SYT1: variants seen among roughly 807,000 people sequenced by gnomAD.
SYT1 encodes synaptotagmin-1.
SYT1 carries 8 observed loss-of-function variants against 44.8 expected under a neutral mutation model. The observed-to-expected ratio is 0.18, with a 90% confidence interval of 0.10 to 0.32. The LOEUF is 0.32. Ranked by LOEUF, SYT1 falls within the 10% of genes least tolerant of loss-of-function variation. The pLI is 1.00. For synonymous variants in SYT1, 154 were observed against 188.8 expected (o/e 0.82, Z 1.51); for missense variants, 286 against 509.3 (o/e 0.56, Z 4.22).
chr12:78,928,346 T>G (rs1251719141), intron 1 of SYT1, among the ~76,000 whole-genome samples: 1 of 152,214 alleles, frequency 6.6e-6, no homozygotes. Flanking sequence ...TCATACACTC[T>G]AGCCATAACT....
intron 3 of SYT1, among the ~76,000 whole-genome samples, chr12:79,142,321 A>G (rs1445354690): frequency 6.6e-6 from 1 of 152,232 alleles, no homozygotes; most frequent in Non-Finnish European, 1.5e-5. Context: ...AATTATTGAG[A>G]AGTTAAGCTA....
chr12:79,095,811 C>T (rs1039503410), intron 3 of SYT1, among the ~76,000 whole-genome samples: 2 of 151,948 alleles, frequency 1.3e-5, no homozygotes, highest in African/African-American at 4.8e-5. Context: ...ACTTTCCTCC[C>T]TCTTCCTTCT....
rs1056352996 is a variant in SYT1, at chr12:79,299,681, A to G, written c.810+130A>G. On this transcript the variant is annotated intron_variant, in intron 8 of 10. Transcript: ENST00000261205. ...TCTAGTTGTTGACAGCTGATAAAAT[A>G]GGGTCAAGGGCACTGCACCACCTCG... is the stretch of plus-strand genomic sequence containing the variant. 14 of 1,134,488 alleles carry G rather than the reference A, an allele frequency of 1.2e-5. No homozygotes were observed. The East Asian group carries it at 3.4e-4, about 28-fold the overall frequency. The allele number at this position is 1,134,488 out of a possible 1,614,324, so 70.3% of individuals were successfully genotyped here.
At chr12:78,990,251 A>G (rs944276772) in intron 2 of SYT1, among the ~76,000 whole-genome samples, 7 of 152,230 alleles carry the variant, frequency 4.6e-5, no homozygotes, top group Admixed American at 4.6e-4. Context: ...TCTCCGATAT[A>G]CCAACCAGGT....
At chr12:79,411,177 G>T (rs1020628322) in intron 9 of SYT1, among the ~76,000 whole-genome samples, 3 of 152,182 alleles carry the variant, frequency 2.0e-5, no homozygotes, top group Non-Finnish European at 4.4e-5. Context: ...CTAAGCTGCC[G>T]TCTTTCTCTT....
At chr12:79,222,342 G>A (rs1875213191) in intron 4 of SYT1, among the ~76,000 whole-genome samples, 2 of 150,470 alleles carry the variant, frequency 1.3e-5, no homozygotes, top group South Asian at 4.2e-4. Flanking sequence ...CTTTCTCCAG[G>A]TTTAAGAAAT....
At chr12:79,371,200 A>G (rs1883775377) in intron 9 of SYT1, among the ~76,000 whole-genome samples, 1 of 152,220 alleles carries the variant, frequency 6.6e-6, no homozygotes, top group Non-Finnish European at 1.5e-5. Context: ...GTCACAAGGT[A>G]AAGAAATGGC....
chr12:79,401,839 A>T (rs1256071521), intron 9 of SYT1, among the ~76,000 whole-genome samples: 1 of 151,572 alleles, frequency 6.6e-6, no homozygotes, highest in Non-Finnish European at 1.5e-5. Flanking sequence ...CCGGCTAATT[A>T]TTTCATTTTT....
At chr12:79,312,340 G>C (rs905844292) in intron 8 of SYT1, among the ~76,000 whole-genome samples, 1 of 152,092 alleles carries the variant, frequency 6.6e-6, no homozygotes, top group African/African-American at 2.4e-5. Context: ...CCATGTATTC[G>C]TACTTATCAG....
intron 3 of SYT1, among the ~76,000 whole-genome samples, chr12:79,088,769 TG>T (rs1877569140): frequency 6.6e-6 from 1 of 150,968 alleles, no homozygotes; most frequent in African/African-American, 2.4e-5. Flanking sequence ...TGTGTGTGTG[TG>T]TGTGTGTGTA....
chr12:78,884,652 A>G (rs914877803), intron 1 of SYT1, among the ~76,000 whole-genome samples: 4 of 151,186 alleles, frequency 2.6e-5, no homozygotes, highest in African/African-American at 9.7e-5. Flanking sequence ...ATATACATTC[A>G]GACATTATAA....
intron 3 of SYT1, among the ~76,000 whole-genome samples, chr12:79,175,751 A>G (rs1168608774): frequency 6.6e-6 from 1 of 152,066 alleles, no homozygotes; most frequent in Non-Finnish European, 1.5e-5. Flanking sequence ...GAGTTTACCC[A>G]TGTGGAACCA....
chr12:79,143,657 T>C (rs181355276), intron 3 of SYT1, among the ~76,000 whole-genome samples: 158 of 152,340 alleles, frequency 1.0e-3, no homozygotes, highest in Non-Finnish European at 1.6e-3. Flanking sequence ...CAAGTAGTCA[T>C]CCTCAAATTC....
At chr12:79,415,399 A>G (rs548362855) in intron 9 of SYT1, among the ~76,000 whole-genome samples, 7 of 152,314 alleles carry the variant, frequency 4.6e-5, no homozygotes, top group African/African-American at 1.7e-4. Context: ...CTGGTTGGAA[A>G]GATGGTCTTG....
chr12:79,427,053 C>G (rs1030945074), intron 9 of SYT1, among the ~76,000 whole-genome samples: 1 of 152,220 alleles, frequency 6.6e-6, no homozygotes, highest in Non-Finnish European at 1.5e-5. Context: ...CTAAGCCATG[C>G]TGAACTGTCA....
chr12:78,876,891 T>C (rs1489003513), intron 1 of SYT1, among the ~76,000 whole-genome samples: 1 of 15,698 alleles, frequency 6.4e-5, no homozygotes, highest in Admixed American at 9.9e-4. Context: ...TTATATATAA[T>C]ATATATTATA....
At chr12:78,973,936 AAAATATATATATATATATATAT>A (rs1234802703) in intron 1 of SYT1, among the ~76,000 whole-genome samples, 7 of 25,304 alleles carry the variant, frequency 2.8e-4, no homozygotes, top group Non-Finnish European at 4.0e-4. Context: ...AAAAAAAAAA[AAAATATATATATATATATATAT>A]ATATATATAT....
At chr12:79,094,285 A>T (rs1877974966) in intron 3 of SYT1, among the ~76,000 whole-genome samples, 1 of 151,826 alleles carries the variant, frequency 6.6e-6, no homozygotes, top group Admixed American at 6.6e-5. Context: ...ATTACTTTAA[A>T]ACCAACAGCA....
intron 9 of SYT1, among the ~76,000 whole-genome samples, chr12:79,429,731 G>C (rs141869010): frequency 6.6e-6 from 1 of 151,986 alleles, no homozygotes; most frequent in Non-Finnish European, 1.5e-5. Flanking sequence ...GGGTTTCACC[G>C]TGTTAGCCAG....
Sources: allele counts gnomAD v4.1 joint callset (sites outside exome capture counted in the v4.1 genomes callset), GRCh38; gene constraint gnomAD v4.1.1; transcripts MANE v1.5; gene names NCBI Gene and HGNC (gene_info 2026-07-23, HGNC 2026-07-21).